GRIN2A: variants seen among roughly 807,000 people sequenced by gnomAD.
GRIN2A encodes the protein glutamate ionotropic receptor NMDA type subunit 2A.
GRIN2A carries 22 observed loss-of-function variants against 113.4 expected under a neutral mutation model. The ratio of observed to expected loss-of-function variants is 0.19; its 90% CI spans 0.14 to 0.28. The LOEUF (loss-of-function observed/expected upper bound fraction) is 0.28, where lower values mean the gene tolerates loss of function less well. Ranked by LOEUF, GRIN2A falls within the 10% of genes least tolerant of loss-of-function variation. The pLI is 1.00. For missense variants in GRIN2A, 1,502 were observed against 1,887.0 expected (o/e 0.80, Z 3.78); for synonymous variants, 827 against 738.4 (o/e 1.12, Z -1.94).
chr16:9,821,834 A>T (rs1424406726), intron 10 of GRIN2A, among the ~76,000 whole-genome samples: 1 of 152,080 alleles, frequency 6.6e-6, no homozygotes, highest in African/African-American at 2.4e-5. Flanking sequence ...TCTTTCATCA[A>T]TGTTATACAA....
At chr16:9,984,827 A>G (rs1226629823) in intron 2 of GRIN2A, among the ~76,000 whole-genome samples, 1 of 152,164 alleles carries the variant, frequency 6.6e-6, no homozygotes, top group Non-Finnish European at 1.5e-5. Context: ...GCTATTATCC[A>G]TTAGTTTTTG....
chr16:9,950,843 T>C (rs4782080), intron 2 of GRIN2A, among the ~76,000 whole-genome samples: 32,945 of 152,146 alleles, frequency 0.22, 3,888 homozygotes, highest in Non-Finnish European at 0.26. Flanking sequence ...ACTTCATAGA[T>C]CAGATGAGCT....
Position 9,764,960 on chromosome 16 carries a change from C to G in GRIN2A, c.2596-12G>C, listed in dbSNP as rs201462265. On this transcript the variant is annotated splice_polypyrimidine_tract_variant and intron_variant, in intron 12 of 12. Coordinates refer to ENST00000330684, the MANE Select transcript of GRIN2A (RefSeq NM_001134407.3). ...CAGCTGTAGATGCCCTGTAGGGGAG[C>G]AACATAAAGCACTGTCAGCAGCAGC... The G allele has an allele frequency of 9.9e-6, 16 of 1,613,842 alleles. No homozygotes were observed. The highest frequency in any genetic ancestry group is 1.4e-5 in the Non-Finnish European group (16 of 1,179,984).
intron 2 of GRIN2A, among the ~76,000 whole-genome samples, chr16:9,948,570 T>C (rs1316062004): frequency 6.6e-6 from 1 of 152,240 alleles, no homozygotes; most frequent in Non-Finnish European, 1.5e-5. Context: ...TAAGACAGTG[T>C]CTGATGTCTA....
chr16:9,864,381 A>T (rs1035193010), intron 4 of GRIN2A, among the ~76,000 whole-genome samples: 3 of 152,174 alleles, frequency 2.0e-5, no homozygotes, highest in Non-Finnish European at 4.4e-5. Flanking sequence ...CCAGCCTGAA[A>T]ATTATGACTG....
chr16:9,962,455 T>C (rs1381534657), intron 2 of GRIN2A, among the ~76,000 whole-genome samples: 1 of 152,006 alleles, frequency 6.6e-6, no homozygotes, highest in Non-Finnish European at 1.5e-5. Flanking sequence ...GGGCAAAGGA[T>C]ATGAACAGAC....
At chr16:9,786,342 A>G (rs1000502535) in intron 11 of GRIN2A, among the ~76,000 whole-genome samples, 1 of 152,144 alleles carries the variant, frequency 6.6e-6, no homozygotes, top group Non-Finnish European at 1.5e-5. Context: ...GTTTTCCCCA[A>G]ACTGGCAGGG....
chr16:9,776,017 T>C (rs1240942052), intron 11 of GRIN2A, among the ~76,000 whole-genome samples: 1 of 152,240 alleles, frequency 6.6e-6, no homozygotes, highest in East Asian at 1.9e-4. Context: ...CAGCTTAAGC[T>C]TTCCTGTTCC....
At chr16:9,931,552 C>T (rs1345450568) in intron 3 of GRIN2A, among the ~76,000 whole-genome samples, 1 of 152,068 alleles carries the variant, frequency 6.6e-6, no homozygotes, top group African/African-American at 2.4e-5. Flanking sequence ...GTCATACTAC[C>T]TAGACCATGA....
chr16:10,004,139 C>G (rs2046366527), intron 2 of GRIN2A, among the ~76,000 whole-genome samples: 1 of 151,968 alleles, frequency 6.6e-6, no homozygotes, highest in Admixed American at 6.5e-5. Context: ...ACCTGTAATC[C>G]CAGCATTTTG....
chr16:9,869,074 G>T (rs766122777), intron 4 of GRIN2A, among the ~76,000 whole-genome samples: 2 of 152,182 alleles, frequency 1.3e-5, no homozygotes, highest in African/African-American at 4.8e-5. Context: ...ACTGTGTTCT[G>T]TTTGCCTTTA....
chr16:9,927,475 CA>C (rs2044490824), intron 3 of GRIN2A, among the ~76,000 whole-genome samples: 1 of 152,134 alleles, frequency 6.6e-6, no homozygotes, highest in African/African-American at 2.4e-5. Context: ...AAAGCAGAGT[CA>C]AGAGATCATA....
chr16:9,873,098 A>C (rs2141431276), intron 4 of GRIN2A, among the ~76,000 whole-genome samples: 1 of 152,166 alleles, frequency 6.6e-6, no homozygotes, highest in East Asian at 1.9e-4. Flanking sequence ...CAAATACTGC[A>C]TGTTCTCACT....
chr16:9,824,427 T>C lies in GRIN2A; in HGVS notation c.2008-2003A>G, dbSNP rs1389242121. On this transcript the variant is annotated intron_variant, in intron 9 of 12. Coordinates refer to ENST00000330684, the MANE Select transcript of GRIN2A (RefSeq NM_001134407.3). ...AGCAGCCATTCCCAATCTCCAGAGA[T>C]ATCCGGAGATGGCCTATTTGACTAA... is the stretch of plus-strand genomic sequence containing the variant. 3.3e-5 allele frequency among the ~76,000 whole-genome samples: 5 copies of C among 152,330 alleles called. No homozygotes were observed. In the East Asian group the frequency reaches 7.7e-4, roughly 24 times the overall value.
chr16:9,770,954 T>C (rs113270029), intron 11 of GRIN2A, among the ~76,000 whole-genome samples: 3,660 of 152,302 alleles, frequency 0.024, 70 homozygotes, highest in African/African-American at 0.058. Context: ...GCATTATTGC[T>C]AGATTATACA....
At chr16:9,789,012 G>T (rs943599198) in intron 11 of GRIN2A, among the ~76,000 whole-genome samples, 2 of 152,100 alleles carry the variant, frequency 1.3e-5, no homozygotes, top group Non-Finnish European at 2.9e-5. Context: ...AAAGTGCTGG[G>T]ATTACAGGTG....
chr16:9,967,796 T>C (rs1224081371), intron 2 of GRIN2A, among the ~76,000 whole-genome samples: 1 of 151,836 alleles, frequency 6.6e-6, no homozygotes, highest in Non-Finnish European at 1.5e-5. Context: ...TAGTTAGTAG[T>C]CTTAGGTGAT....
intron 2 of GRIN2A, among the ~76,000 whole-genome samples, chr16:9,963,979 C>G (rs767964351): frequency 7.2e-5 from 11 of 152,172 alleles, no homozygotes; most frequent in Non-Finnish European, 1.5e-4. Context: ...CACAAAGTCA[C>G]ACCGCACCAT....
chr16:10,119,624 A>G (rs897425256), intron 2 of GRIN2A, among the ~76,000 whole-genome samples: 5 of 152,226 alleles, frequency 3.3e-5, no homozygotes, highest in African/African-American at 1.2e-4. Flanking sequence ...TTATATAGGT[A>G]AACTGTGTGT....
Sources: allele counts gnomAD v4.1 joint callset (sites outside exome capture counted in the v4.1 genomes callset), GRCh38; gene constraint gnomAD v4.1.1; transcripts MANE v1.5; gene names NCBI Gene and HGNC (gene_info 2026-07-23, HGNC 2026-07-21).